The following SMOC2 variants were observed in gnomAD, a reference collection of about 807,000 sequenced individuals.
The protein encoded by SMOC2 is SPARC related modular calcium binding 2.
In SMOC2, 39 loss-of-function variants were observed where a neutral mutation model predicts 61.4. The ratio of observed to expected loss-of-function variants is 0.64; its 90% confidence interval spans 0.49 to 0.83. The LOEUF (loss-of-function observed/expected upper bound fraction) is 0.83, where lower values mean the gene tolerates loss of function less well. Among genes scored for constraint, SMOC2 ranks in the 40% least tolerant of loss-of-function variants. The pLI is 0.00. For missense variants in SMOC2, 556 were observed against 592.9 expected (o/e 0.94, Z 0.65); for synonymous variants, 247 against 239.9 (o/e 1.03, Z -0.27).
At chr6:168,501,952 G>A (rs1246330671) in intron 1 of SMOC2, among the ~76,000 whole-genome samples, 2 of 152,192 alleles carry the variant, frequency 1.3e-5, no homozygotes, top group South Asian at 2.1e-4. Context: ...CTCTGTGCAG[G>A]GCTGAGCCCC....
rs141849701 is a variant in SMOC2 at position 168,541,366 on chromosome 6, G to A, written c.464-2259G>A. Among the ~76,000 whole-genome samples the A allele has an allele frequency of 6.4e-3, 979 of 152,306 alleles. 9 individuals carry two copies. The highest frequency in any genetic ancestry group is 0.01 in the Middle Eastern group (3 of 294). On this transcript the variant is annotated intron_variant, in intron 4 of 12. Coordinates refer to ENST00000356284, the MANE Select transcript of SMOC2 (RefSeq NM_001166412.2). ...TGTTCACTGTCTGCAGACACTGTGC[G>A]TATCAGTCAACCCTTCTTTCTCGGC...
chr6:168,641,669 T>TG (rs1455976716), intron 9 of SMOC2, among the ~76,000 whole-genome samples: 1 of 152,086 alleles, frequency 6.6e-6, no homozygotes, highest in Non-Finnish European at 1.5e-5. Context: ...AGAGGAACCT[T>TG]GGGGAGTTTA....
chr6:168,510,011 C>T lies in SMOC2; in HGVS notation c.181C>T (p.Leu61Phe). 6.2e-7 allele frequency: 1 copy of T among 1,614,234 alleles called. No individual in the cohort carries two copies. The highest frequency in any genetic ancestry group is 8.5e-7 in the Non-Finnish European group (1 of 1,180,050). Residue 61 changes from leucine to phenylalanine, a missense_variant, in exon 2 of 13, where the codon CTT becomes TTT. Leu to Phe is a conservative substitution (Grantham distance 22). Transcript: ENST00000356284. ...CTGCGCATCTGACGGAAGGACCTTC[C>T]TTTCCCGTTGTGAATTTCAACGTGC... is the stretch of plus-strand genomic sequence containing the variant. The part of the protein sequence containing the change: ...PLCASDGRTF[L>F]SRCEFQRAKC...
At chr6:168,646,242 C>T (rs1250303591) in intron 9 of SMOC2, among the ~76,000 whole-genome samples, 1 of 152,160 alleles carries the variant, frequency 6.6e-6, no homozygotes, top group Non-Finnish European at 1.5e-5. Flanking sequence ...GTTCCCGATC[C>T]AGACCCTGCA....
chr6:168,470,150 G>A (rs938546829), intron 1 of SMOC2, among the ~76,000 whole-genome samples: 3 of 152,180 alleles, frequency 2.0e-5, no homozygotes, highest in African/African-American at 7.2e-5. Context: ...GCCGGAACAT[G>A]CTTTGTTCTA....
intron 12 of SMOC2, chr6:168,665,337 A>C (rs1787635585): frequency 6.5e-6 from 1 of 152,958 alleles, no homozygotes; most frequent in Non-Finnish European, 1.5e-5. Context: ...TGCTGTGGCT[A>C]TGTCAGCAAA....
intron 2 of SMOC2, among the ~76,000 whole-genome samples, chr6:168,519,763 CA>C (rs1562567614): frequency 6.6e-6 from 1 of 152,114 alleles, no homozygotes; most frequent in African/African-American, 2.4e-5. Context: ...CACAATCATC[CA>C]TTTCGATCTG....
At chr6:168,584,771 C>T (rs547511386) in intron 7 of SMOC2, among the ~76,000 whole-genome samples, 3 of 152,038 alleles carry the variant, frequency 2.0e-5, no homozygotes, top group East Asian at 3.9e-4. Context: ...TGGAGAGCAT[C>T]GATGTAGAGT....
Position 168,607,188 on chromosome 6 carries a change from G to A in SMOC2, c.825-969G>A, listed in dbSNP as rs534043034. Among the ~76,000 whole-genome samples, 8 of 152,096 alleles carry A rather than the reference G, an allele frequency of 5.3e-5. No individual in the cohort carries two copies. The South Asian group carries it at 1.7e-3, about 32-fold the overall frequency. On this transcript the variant is annotated intron_variant, in intron 8 of 12. Coordinates refer to ENST00000356284, the MANE Select transcript of SMOC2 (RefSeq NM_001166412.2). ...GTGCGGAAGATTGTCCTCCTTGGGG[G>A]TGGGGGCTCCGGGAGGCAGGTTCTC...
rs1185801537 is a variant in SMOC2 at position 168,666,477 on chromosome 6, AAATTT to A, written c.*40_*44del. 1 of 1,611,342 alleles carries A rather than the reference AAATTT, an allele frequency of 6.2e-7. No individual in the cohort carries two copies. Among genetic ancestry groups the A allele is most frequent in the Non-Finnish European group, 8.5e-7 (1 of 1,178,168 alleles). The stretch of plus-strand genomic sequence containing the variant: ...CGAAGGCAGTTCCTAGACACATGGG[AAATTT>A]CCCTCACCAAAGAGCAATTAAGAAA... On this transcript the variant is annotated 3_prime_UTR_variant, in exon 13 of 13. Coordinates refer to ENST00000356284, the MANE Select transcript of SMOC2 (RefSeq NM_001166412.2).
chr6:168,485,354 TA>T (rs965983652), intron 1 of SMOC2, among the ~76,000 whole-genome samples: 7 of 151,700 alleles, frequency 4.6e-5, no homozygotes, highest in African/African-American at 1.2e-4. Context: ...GCAAAAGTCC[TA>T]AAAAAAACAC....
intron 7 of SMOC2, among the ~76,000 whole-genome samples, chr6:168,568,891 ATCT>A (rs1784605370): frequency 6.6e-6 from 1 of 151,982 alleles, no homozygotes; most frequent in African/African-American, 2.4e-5. Context: ...GATCACTCAT[ATCT>A]TCTTAGTGCT....
Position 168,652,950 on chromosome 6 carries a change from C to G in SMOC2, c.1011-4C>G, listed in dbSNP as rs1787232323. 3 of 1,612,266 alleles carry G rather than the reference C, an allele frequency of 1.9e-6. No homozygotes were observed. In the African/African-American group the frequency reaches 4.0e-5, roughly 22 times the overall value. Reference sequence around the variant, plus strand: ...CATCCTGACGGCATCTGTGTTCCTTCCAGGCTCTCAGAACCCGACCCCAGC... The same window carrying G: ...CATCCTGACGGCATCTGTGTTCCTTGCAGGCTCTCAGAACCCGACCCCAGC... On this transcript the variant is annotated splice_region_variant and splice_polypyrimidine_tract_variant and intron_variant, in intron 10 of 12. Transcript: ENST00000356284.
chr6:168,631,402 A>AC (rs1183946281), intron 9 of SMOC2, among the ~76,000 whole-genome samples: 1 of 152,220 alleles, frequency 6.6e-6, no homozygotes, highest in Non-Finnish European at 1.5e-5. Context: ...CAAGAAACTT[A>AC]GAGGACAGGA....
intron 2 of SMOC2, among the ~76,000 whole-genome samples, chr6:168,519,091 G>A (rs1337890436): frequency 6.6e-6 from 1 of 150,676 alleles, no homozygotes; most frequent in African/African-American, 2.4e-5. Context: ...GTGCATGTGT[G>A]AACATGCGTG....
At chr6:168,517,221 T>C (rs1425462506) in intron 2 of SMOC2, among the ~76,000 whole-genome samples, 1 of 119,914 alleles carries the variant, frequency 8.3e-6, no homozygotes, top group African/African-American at 3.5e-5. Context: ...TGCGGCTGTC[T>C]CTCTGGCATT....
intron 11 of SMOC2, among the ~76,000 whole-genome samples, chr6:168,659,667 TGGGTG>T (rs1787439727): frequency 7.8e-6 from 1 of 128,980 alleles, no homozygotes; most frequent in Non-Finnish European, 1.7e-5. Context: ...GGTTGTAGGC[TGGGTG>T]AGGGTGGAGG....
At chr6:168,555,320 C>T (rs894032210) in intron 7 of SMOC2, among the ~76,000 whole-genome samples, 1 of 152,246 alleles carries the variant, frequency 6.6e-6, no homozygotes, top group African/African-American at 2.4e-5. Flanking sequence ...CTCCACCCGT[C>T]AAATATCCGG....
chr6:168,563,809 C>T (rs1784480027), intron 7 of SMOC2, among the ~76,000 whole-genome samples: 2 of 152,098 alleles, frequency 1.3e-5, no homozygotes, highest in African/African-American at 2.4e-5. Context: ...TGATAAGCCA[C>T]GGAGCACAGC....
Sources: allele counts gnomAD v4.1 joint callset (sites outside exome capture counted in the v4.1 genomes callset), GRCh38; gene constraint gnomAD v4.1.1; transcripts MANE v1.5; gene names NCBI Gene and HGNC (gene_info 2026-07-23, HGNC 2026-07-21).